ARPC2: variants seen among roughly 807,000 people sequenced by gnomAD.
ARPC2 encodes actin related protein 2/3 complex subunit 2, also known as actin-related protein 2/3 complex subunit 2.
In ARPC2, 4 loss-of-function variants were observed where a neutral mutation model predicts 38.6. The ratio of observed to expected loss-of-function variants is 0.10; its 90% CI spans 0.05 to 0.24. The LOEUF (loss-of-function observed/expected upper bound fraction) is 0.24. ARPC2 is among the 10% of genes least tolerant of loss of function. The pLI is 1.00. For synonymous variants in ARPC2, 125 were observed against 140.8 expected (o/e 0.89, Z 0.79); for missense variants, 229 against 387.3 (o/e 0.59, Z 3.43).
chr2:218,222,710 T>G (rs1263122471), intron 2 of ARPC2, among the ~76,000 whole-genome samples: 1 of 152,180 alleles, frequency 6.6e-6, no homozygotes, highest in Admixed American at 6.5e-5. Context: ...AAGAACTAAT[T>G]TATTGATTAC....
chr2:218,225,308 C>A (rs765987205), intron 2 of ARPC2, among the ~76,000 whole-genome samples: 1 of 151,966 alleles, frequency 6.6e-6, no homozygotes, highest in Non-Finnish European at 1.5e-5. Context: ...TTTTAAGTTC[C>A]GAGCTGGAAT....
chr2:218,228,877 A>T, intron 4 of ARPC2, 27 bp downstream of exon 4: 1 of 1,436,898 alleles, frequency 7.0e-7, no homozygotes, highest in Non-Finnish European at 9.8e-7. Flanking sequence ...TTTCCTTGGG[A>T]CTCTTGTTTC....
intron 10 of ARPC2, among the ~76,000 whole-genome samples, 190 bp downstream of exon 10, chr2:218,250,111 G>A (rs1038493262): frequency 4.6e-5 from 7 of 152,162 alleles, no homozygotes; most frequent in African/African-American, 1.7e-4. Flanking sequence ...GGGTTTCCTT[G>A]TTTCCGTATC....
intron 10 of ARPC2, among the ~76,000 whole-genome samples, chr2:218,251,931 C>T (rs1046320875): frequency 1.3e-5 from 2 of 152,046 alleles, no homozygotes; most frequent in Non-Finnish European, 2.9e-5. Flanking sequence ...TGTCAAAAAG[C>T]AGTTTAAGGC....
At chr2:218,247,672 G>A (rs549764505) in intron 8 of ARPC2, among the ~76,000 whole-genome samples, 4 of 152,102 alleles carry the variant, frequency 2.6e-5, no homozygotes, top group South Asian at 2.1e-4. Flanking sequence ...AGCTGGGCAC[G>A]GTGGCTCACG....
At chr2:218,243,274 G>A (rs1266172742) in intron 7 of ARPC2, among the ~76,000 whole-genome samples, 8 of 152,158 alleles carry the variant, frequency 5.3e-5, no homozygotes, top group Middle Eastern at 3.4e-3. Flanking sequence ...GATTTATTCC[G>A]AACTTCCTAT....
intron 7 of ARPC2, among the ~76,000 whole-genome samples, chr2:218,240,647 T>C (rs186425357): frequency 0.013 from 1,907 of 152,122 alleles, 40 homozygotes; most frequent in African/African-American, 0.043. Context: ...ATCCCAGCAC[T>C]GTGGGAGGCC....
intron 10 of ARPC2, among the ~76,000 whole-genome samples, chr2:218,250,526 G>C (rs953221286): frequency 1.3e-5 from 2 of 152,094 alleles, no homozygotes; most frequent in Non-Finnish European, 2.9e-5. Flanking sequence ...TTAGCCGGTC[G>C]TGGTGGCAGG....
At chr2:218,250,526 G>T (rs953221286) in intron 10 of ARPC2, among the ~76,000 whole-genome samples, 2 of 152,094 alleles carry the variant, frequency 1.3e-5, no homozygotes, top group African/African-American at 2.4e-5. Context: ...TTAGCCGGTC[G>T]TGGTGGCAGG....
chr2:218,233,015 G>A (rs4674275), intron 4 of ARPC2: 60,262 of 152,016 alleles, frequency 0.4, 12,581 homozygotes, highest in Middle Eastern at 0.52. Flanking sequence ...TTCAACATGT[G>A]GCCAGGCATG....
At chr2:218,217,617 G>A in intron 2 of ARPC2, 73 bp downstream of exon 2, 1 of 1,438,234 alleles carries the variant, frequency 7.0e-7, no homozygotes, top group Admixed American at 2.0e-5. Flanking sequence ...ATGTTGTCCA[G>A]TCCCCCAGAC....
chr2:218,245,847 G>C (rs575666192), intron 8 of ARPC2, among the ~76,000 whole-genome samples: 1 of 152,268 alleles, frequency 6.6e-6, no homozygotes, highest in African/African-American at 2.4e-5. Context: ...TCAGCTGGTA[G>C]AGCAGAGGAC....
chr2:218,238,896 C>G, intron 6 of ARPC2, 46 bp downstream of exon 6: 1 of 1,394,182 alleles, frequency 7.2e-7, no homozygotes. Context: ...GCTGCTACAC[C>G]ACCATGGCAC....
chr2:218,249,851 A>G lies in ARPC2; in HGVS notation c.808A>G (p.Thr270Ala). The G allele has an allele frequency of 6.2e-7, 1 of 1,613,872 alleles. No homozygotes were observed. Among genetic ancestry groups the G allele is most frequent in the Non-Finnish European group, 8.5e-7 (1 of 1,179,958 alleles). Residue 270 changes from threonine (T) to alanine (A), a missense_variant, in exon 10 of 11, where the codon ACG becomes GCG. Around this residue, in one of 3 missense-constraint regions of ARPC2, gnomAD observed 92 missense variants for 152.3 expected, o/e 0.60. Transcript: ENST00000315717. Reference protein sequence around the residue: ...AYIHTRMRAKTSDFLKVLNRA... With the variant: ...AYIHTRMRAKASDFLKVLNRA... ...TATTCACACACGTATGCGGGCGAAA[A>G]CGTCTGACTTCCTCAAGGTGCTGAA...
chr2:218,247,952 TAAA>T (rs10716505), intron 8 of ARPC2, among the ~76,000 whole-genome samples: 2 of 145,642 alleles, frequency 1.4e-5, no homozygotes, highest in Non-Finnish European at 1.5e-5. Flanking sequence ...CAAAAAAAAT[TAAA>T]AAAAAAAAAA....
intron 7 of ARPC2, among the ~76,000 whole-genome samples, chr2:218,240,727 T>TAA (rs200073217): frequency 5.3e-5 from 8 of 151,668 alleles, no homozygotes; most frequent in East Asian, 1.9e-4. Flanking sequence ...CCGTCTCTAC[T>TAA]AAAAAAATAC....
intron 4 of ARPC2, among the ~76,000 whole-genome samples, chr2:218,231,274 G>A (rs1300966145): frequency 2.6e-5 from 4 of 152,222 alleles, no homozygotes; most frequent in Non-Finnish European, 4.4e-5. Flanking sequence ...ATGGTTAAAA[G>A]TGCAAGTGAA....
At chr2:218,218,839 T>C (rs142666394) in intron 2 of ARPC2, among the ~76,000 whole-genome samples, 328 of 152,336 alleles carry the variant, frequency 2.2e-3, no homozygotes, top group African/African-American at 7.6e-3. Flanking sequence ...TTCCTTGAAG[T>C]AATACGTGTA....
At position 218,249,818 on chromosome 2, in the gene ARPC2, C is replaced by T; in HGVS notation, c.778-3C>T. 3.1e-6 allele frequency: 5 copies of T among 1,612,468 alleles called. No individual in the cohort carries two copies. The highest frequency in any genetic ancestry group is 4.2e-6 in the Non-Finnish European group (5 of 1,178,956). On this transcript the variant is annotated splice_region_variant and splice_polypyrimidine_tract_variant and intron_variant, in intron 9 of 10. Coordinates refer to ENST00000315717, the MANE Select transcript of ARPC2 (RefSeq NM_152862.3). ...CTTTAGTACCTGTTATGTTTGTTCC[C>T]AGGCCTATATTCACACACGTATGCG...
Sources: gnomAD v4.1 joint callset for allele counts (sites outside exome capture counted in the v4.1 genomes callset) on GRCh38, gnomAD v4.1.1 for gene constraint, gnomAD v4.1.1 regional missense constraint, MANE v1.5 for transcripts, NCBI Gene and HGNC (gene_info 2026-07-23, HGNC 2026-07-21) for gene names.